The following FBLIM1 variants were observed in gnomAD, a reference collection of about 807,000 sequenced individuals.
FBLIM1 encodes filamin-binding LIM protein 1.
In FBLIM1, 29 loss-of-function variants were observed where a neutral mutation model predicts 37.4. That is an observed-to-expected ratio of 0.77 (90% CI 0.58 to 1.06). FBLIM1 has a LOEUF of 1.06. FBLIM1 is among the 50% of genes least tolerant of loss of function. The pLI, the probability that FBLIM1 is intolerant of heterozygous loss-of-function variation, is 0.00. For synonymous variants in FBLIM1, 193 were observed against 199.0 expected (o/e 0.97, Z 0.25); for missense variants, 449 against 505.6 (o/e 0.89, Z 1.07).
At position 15,770,501 on chromosome 1, in the gene FBLIM1, C is replaced by T. The variant is rs986023494; in HGVS notation, c.634C>T (p.Arg212Cys). 5.0e-6 allele frequency: 8 copies of T among 1,613,668 alleles called. No homozygotes were observed. Among genetic ancestry groups the T allele is most frequent in the African/African-American group, 2.7e-5 (2 of 74,830 alleles). The change falls in exon 6 of 9, where the codon CGC (arginine) becomes TGC (cysteine). Residue 212 changes from arginine to cysteine, a missense_variant. Arg to Cys is a radical substitution (Grantham distance 180). Coordinates refer to ENST00000375766, the MANE Select transcript of FBLIM1 (RefSeq NM_017556.4). Reference sequence around the variant, plus strand: ...GTACCATGCCCAGTGCTTCACGTGCCGCACCTGCCGCCGCCAGCTGGCTGG... The same window carrying T: ...GTACCATGCCCAGTGCTTCACGTGCTGCACCTGCCGCCGCCAGCTGGCTGG... ...RQYHAQCFTC[R>C]TCRRQLAGQS...
chr1:15,759,530 G>C (rs571406967), intron 1 of FBLIM1, among the ~76,000 whole-genome samples: 6 of 152,192 alleles, frequency 3.9e-5, no homozygotes, highest in Non-Finnish European at 7.4e-5. Context: ...GGTTCTGTCC[G>C]GGTCCTGGAG....
Position 15,785,735 on chromosome 1 carries a change from C to A in FBLIM1, c.*1074C>A, listed in dbSNP as rs531368544. 6.6e-6 allele frequency: 1 copy of A among 152,234 alleles called. No individual in the cohort carries two copies. The highest frequency in any genetic ancestry group is 2.4e-5 in the African/African-American group (1 of 41,460). 9.4% of individuals were successfully genotyped at this position (152,234 alleles called of 1,614,324 possible). ...CATAATAGCAAACACCCCCTTGGTTCGCACATGTACAGGAATGGGACCCAG... is the reference window on the plus strand; with the variant it reads ...CATAATAGCAAACACCCCCTTGGTTAGCACATGTACAGGAATGGGACCCAG... On this transcript the variant is annotated 3_prime_UTR_variant, in exon 9 of 9. Transcript: ENST00000375766.
rs777064689 is a variant in FBLIM1 at position 15,767,544 on chromosome 1, C to T, written c.419C>T (p.Pro140Leu). Residue 140 changes from proline (P) to leucine (L), a missense_variant, in exon 4 of 9, where the codon CCG becomes CTG. Physicochemically the swap from Pro to Leu is moderately conservative, Grantham distance 98. Coordinates refer to ENST00000375766, the MANE Select transcript of FBLIM1 (RefSeq NM_017556.4). ...IADLEQLHLS[P>L]PPPPPQAPAE... The stretch of plus-strand genomic sequence containing the variant: ...GACTTAGAGCAGCTGCACCTGTCCC[C>T]GCCCCCGCCCCCACCACAGGTACTG... 5.2e-6 allele frequency: 7 copies of T among 1,349,362 alleles called. No individual in the cohort carries two copies. Among genetic ancestry groups the T allele is most frequent in the East Asian group, 3.0e-5 (1 of 33,646 alleles). 83.6% of individuals were successfully genotyped at this position (1,349,362 alleles called of 1,614,324 possible).
At chr1:15,772,517 T>C (rs2069268620) in intron 6 of FBLIM1, among the ~76,000 whole-genome samples, 1 of 151,848 alleles carries the variant, frequency 6.6e-6, no homozygotes, top group Non-Finnish European at 1.5e-5. Flanking sequence ...CAAGGTAAAA[T>C]GCACAGGAGC....
intron 1 of FBLIM1, among the ~76,000 whole-genome samples, chr1:15,760,803 T>A (rs2068639161): frequency 6.6e-6 from 1 of 151,994 alleles, no homozygotes; most frequent in Non-Finnish European, 1.5e-5. Context: ...TGTGATTCGC[T>A]CTCTGGGGGA....
At position 15,786,454 on chromosome 1, in the gene FBLIM1, A is replaced by T. The variant is rs752746182; in HGVS notation, c.*1793A>T. The T allele has an allele frequency of 1.7e-4, 26 of 152,314 alleles. No homozygotes were observed. The highest frequency in any genetic ancestry group is 3.7e-4 in the Non-Finnish European group (25 of 68,036). The allele number at this position is 152,314 out of a possible 1,614,324, so 9.4% of individuals were successfully genotyped here. A position where few individuals can be genotyped will look rare whatever the true frequency, so the allele number is the denominator to read the frequency against. ...CCTCCTGTTCTGTTATTTCACTTAAATCAACATGCTATTTTGTTTTCACTC... is the reference window on the plus strand; with the variant it reads ...CCTCCTGTTCTGTTATTTCACTTAATTCAACATGCTATTTTGTTTTCACTC... On this transcript the variant is annotated 3_prime_UTR_variant, in exon 9 of 9. Coordinates refer to ENST00000375766, the MANE Select transcript of FBLIM1 (RefSeq NM_017556.4).
At chr1:15,769,150 G>A (rs929020541) in intron 5 of FBLIM1, among the ~76,000 whole-genome samples, 7 of 151,988 alleles carry the variant, frequency 4.6e-5, no homozygotes, top group East Asian at 1.9e-4. Context: ...TCTTTCCTTC[G>A]TACATCTCAG....
intron 5 of FBLIM1, 85 bp from the exon 6 acceptor site, chr1:15,770,323 CG>C (rs1205297393): frequency 7.0e-7 from 1 of 1,429,866 alleles, no homozygotes; most frequent in African/African-American, 1.4e-5. Context: ...GACAGAGCCT[CG>C]GGTATCCTGA....
At chr1:15,768,469 C>T in intron 4 of FBLIM1, 59 bp from the exon 5 acceptor site, 1 of 1,208,848 alleles carries the variant, frequency 8.3e-7, no homozygotes, top group Non-Finnish European at 1.1e-6. Context: ...AGATGAGGAA[C>T]AGAGCTGGGA....
chr1:15,777,839 C>T (rs1452167701), intron 8 of FBLIM1, among the ~76,000 whole-genome samples: 1 of 152,142 alleles, frequency 6.6e-6, no homozygotes, highest in Non-Finnish European at 1.5e-5. Flanking sequence ...TCCCAAAGTG[C>T]TGGGATTACA....
At chr1:15,757,220 G>A (rs965936640), upstream of FBLIM1, among the ~76,000 whole-genome samples, 2 of 152,284 alleles carry the variant, frequency 1.3e-5, no homozygotes, top group South Asian at 2.1e-4. The surrounding 1 kb of genome is among the most constrained non-coding windows in gnomAD (Gnocchi z 4.1). Flanking sequence ...CCCAGCTTCC[G>A]ATTCTGTAAA....
chr1:15,766,680 C>T (rs1237875196), intron 3 of FBLIM1, among the ~76,000 whole-genome samples: 1 of 150,744 alleles, frequency 6.6e-6, no homozygotes, highest in East Asian at 2.0e-4. Context: ...CTGCAACCTC[C>T]GCCTCCTGGG....
chr1:15,771,885 C>G (rs1377486788), intron 6 of FBLIM1, among the ~76,000 whole-genome samples: 2 of 151,708 alleles, frequency 1.3e-5, no homozygotes, highest in Non-Finnish European at 2.9e-5. Flanking sequence ...GCTCTGGAGC[C>G]TGCCATCAGT....
At chr1:15,775,152 A>G (rs1389856134) in intron 7 of FBLIM1, 16 of 322,766 alleles carry the variant, frequency 5.0e-5, no homozygotes, top group Middle Eastern at 9.6e-4. Flanking sequence ...CCTGGGAGGC[A>G]GAGCTTGCAG....
At chr1:15,761,292 T>A (rs2068663593) in intron 1 of FBLIM1, among the ~76,000 whole-genome samples, 1 of 152,130 alleles carries the variant, frequency 6.6e-6, no homozygotes, top group African/African-American at 2.4e-5. Flanking sequence ...AAAGCGTGTC[T>A]GGGGACACAC....
chr1:15,758,276 G>A (rs1049771748), upstream of FBLIM1: 1 of 152,232 alleles, frequency 6.6e-6, no homozygotes, highest in Non-Finnish European at 1.5e-5. This position sits in a 1 kb window ranked among gnomAD's most constrained non-coding sequence, Gnocchi z 6.2. Context: ...TTAGTAAACG[G>A]CCGCAGAACC....
intron 1 of FBLIM1, among the ~76,000 whole-genome samples, chr1:15,764,183 C>T (rs1162641834): frequency 6.6e-6 from 1 of 152,128 alleles, no homozygotes; most frequent in Admixed American, 6.6e-5. Context: ...AGCAAAGTGG[C>T]CAAGAGCATG....
intron 8 of FBLIM1, among the ~76,000 whole-genome samples, chr1:15,781,955 T>C (rs941354062): frequency 5.3e-5 from 8 of 151,832 alleles, no homozygotes; most frequent in Admixed American, 1.3e-4. Context: ...CCTGACCTCG[T>C]GATCCGCCCA....
chr1:15,770,324 G>A (rs925414113), intron 5 of FBLIM1, 85 bp from the exon 6 acceptor site: 59 of 1,432,362 alleles, frequency 4.1e-5, no homozygotes, highest in Non-Finnish European at 4.9e-5. Context: ...ACAGAGCCTC[G>A]GGTATCCTGA....
Sources: gnomAD v4.1 joint callset for allele counts (sites outside exome capture counted in the v4.1 genomes callset) on GRCh38, gnomAD v4.1.1 for gene constraint, Gnocchi (gnomAD v3.1) non-coding constraint, MANE v1.5 for transcripts, NCBI Gene and HGNC (gene_info 2026-07-23, HGNC 2026-07-21) for gene names.